NCKAP5: variants seen among roughly 807,000 people sequenced by gnomAD.
NCKAP5 encodes NCK associated protein 5.
Under a neutral mutation model 167.0 loss-of-function variants are expected in NCKAP5, and 92 were observed. The observed-to-expected ratio is 0.55, with a 90% CI of 0.47 to 0.66. The LOEUF is 0.66. Among genes scored for constraint, NCKAP5 ranks in the 30% least tolerant of loss-of-function variants. NCKAP5 has a pLI of 0.00. For missense variants in NCKAP5, 2,378 were observed against 2,315.0 expected, an observed-to-expected ratio of 1.03 and a Z score of -0.56; for synonymous variants, 891 against 877.4, an observed-to-expected ratio of 1.02 and a Z score of -0.27.
At chr2:132,890,007 C>T (rs1692563638) in intron 8 of NCKAP5, among the ~76,000 whole-genome samples, 3 of 152,152 alleles carry the variant, frequency 2.0e-5, no homozygotes, top group Admixed American at 2.0e-4. Context: ...AAAAAGGCTG[C>T]CTCCCTGTGG....
At position 133,538,810 on chromosome 2, in the gene NCKAP5, G is replaced by C. The variant is rs1235310000; in HGVS notation, c.-62+20240C>G. On this transcript the variant is annotated intron_variant, in intron 2 of 19. Coordinates refer to ENST00000409261, the MANE Select transcript of NCKAP5 (RefSeq NM_207363.3). ...GGGGTCACAGCTTACATAGGATGTT[G>C]ATCTGCATAGTAGAAGGAAAGACAG... Among the ~76,000 whole-genome samples, 3 of 151,678 alleles carry C rather than the reference G, an allele frequency of 2.0e-5. No homozygotes were observed. In the East Asian group the frequency reaches 5.9e-4, roughly 30 times the overall value.
At chr2:133,028,549 G>T (rs2078771765) in intron 6 of NCKAP5, among the ~76,000 whole-genome samples, 1 of 152,152 alleles carries the variant, frequency 6.6e-6, no homozygotes, top group Non-Finnish European at 1.5e-5. Flanking sequence ...TAACCAAGTT[G>T]GTTAGCAATG....
chr2:132,827,974 T>C (rs934940635), intron 11 of NCKAP5, among the ~76,000 whole-genome samples: 1 of 152,178 alleles, frequency 6.6e-6, no homozygotes, highest in Non-Finnish European at 1.5e-5. Context: ...ACTTTGGCTT[T>C]GAAGTCAGAT....
At chr2:133,210,457 A>G (rs988197684) in intron 5 of NCKAP5, among the ~76,000 whole-genome samples, 1 of 152,182 alleles carries the variant, frequency 6.6e-6, no homozygotes, top group Non-Finnish European at 1.5e-5. Flanking sequence ...GAATAAAAAT[A>G]TAAAAAAAAC....
At chr2:133,365,347 G>T (rs1296753808) in intron 3 of NCKAP5, among the ~76,000 whole-genome samples, 1 of 152,138 alleles carries the variant, frequency 6.6e-6, no homozygotes, top group African/African-American at 2.4e-5. Context: ...AACTTTTGGT[G>T]TATGTGTATC....
intron 3 of NCKAP5, among the ~76,000 whole-genome samples, chr2:133,397,623 C>A (rs1180403790): frequency 1.3e-5 from 2 of 152,190 alleles, no homozygotes; most frequent in African/African-American, 4.8e-5. Context: ...CAATAAAGTG[C>A]TCTGGGGCTG....
At chr2:133,587,951 C>T in the NCKAP5 span, among the ~76,000 whole-genome samples, 3 of 151,918 alleles carry the variant, frequency 2.0e-5, no homozygotes, top group African/African-American at 7.3e-5. Flanking sequence ...GATTTATGAC[C>T]CATCAGAGGT....
chr2:132,992,306 G>A (rs2077472478), intron 7 of NCKAP5, among the ~76,000 whole-genome samples: 1 of 152,168 alleles, frequency 6.6e-6, no homozygotes, highest in Non-Finnish European at 1.5e-5. Context: ...AAGCATATCT[G>A]TTTTTCTAAG....
At chr2:133,267,300 C>CCCAG (rs138296197) in intron 4 of NCKAP5, 7,497 of 152,388 alleles carry the variant, frequency 0.049, 268 homozygotes, top group South Asian at 0.098. Flanking sequence ...CGCCCCCACC[C>CCCAG]CCAGCCTCAG....
At chr2:132,920,748 T>TATATAC (rs1695307519) in intron 8 of NCKAP5, among the ~76,000 whole-genome samples, 1 of 87,660 alleles carries the variant, frequency 1.1e-5, no homozygotes, top group Non-Finnish European at 2.0e-5. Context: ...TATATGTGTA[T>TATATAC]ATATATATGT....
At chr2:133,185,646 A>T (rs1443087308) in intron 5 of NCKAP5, among the ~76,000 whole-genome samples, 1 of 152,014 alleles carries the variant, frequency 6.6e-6, no homozygotes, top group African/African-American at 2.4e-5. Flanking sequence ...TTCTTTCATC[A>T]GTGTTTTATA....
intron 4 of NCKAP5, chr2:133,268,980 A>G (rs535633426): frequency 6.6e-6 from 1 of 152,294 alleles, no homozygotes; most frequent in East Asian, 1.9e-4. Flanking sequence ...TTGTCCAGGA[A>G]GAGAAGAGTT....
rs939134129 is a variant in NCKAP5, at chr2:132,965,384, A to T, written c.430-1515T>A. ...GACTTACATTTCCAAGATAAGGAAT[A>T]TGAAGTTTGTAGATACTGTTCCTAA... On this transcript the variant is annotated intron_variant, in intron 7 of 19. Coordinates refer to ENST00000409261, the MANE Select transcript of NCKAP5 (RefSeq NM_207363.3). Among the ~76,000 whole-genome samples, 5 of 152,220 alleles carry T rather than the reference A, an allele frequency of 3.3e-5. No homozygotes were observed. In the South Asian group the frequency reaches 1.0e-3, roughly 31 times the overall value.
intron 6 of NCKAP5, among the ~76,000 whole-genome samples, chr2:133,021,047 C>A (rs1220982102): frequency 6.6e-6 from 1 of 152,178 alleles, no homozygotes; most frequent in Non-Finnish European, 1.5e-5. Flanking sequence ...ATTCAGCACA[C>A]CCCCTCAGGA....
At chr2:133,338,865 C>A (rs1218811069) in intron 3 of NCKAP5, among the ~76,000 whole-genome samples, 1 of 151,740 alleles carries the variant, frequency 6.6e-6, no homozygotes, top group Non-Finnish European at 1.5e-5. Context: ...AAAACAAAAA[C>A]AAAAATTATC....
chr2:133,140,885 C>G (rs2082970771), intron 5 of NCKAP5, among the ~76,000 whole-genome samples: 1 of 151,256 alleles, frequency 6.6e-6, no homozygotes, highest in Non-Finnish European at 1.5e-5. Context: ...ATATATTATT[C>G]CCTGTCTCTT....
At chr2:133,497,405 C>A (rs1682040992) in intron 3 of NCKAP5, among the ~76,000 whole-genome samples, 1 of 152,128 alleles carries the variant, frequency 6.6e-6, no homozygotes, top group Non-Finnish European at 1.5e-5. Context: ...TGGCTTCCTG[C>A]CTGAGAGTTC....
chr2:133,039,060 C>T (rs189607577), intron 6 of NCKAP5, among the ~76,000 whole-genome samples: 1 of 152,126 alleles, frequency 6.6e-6, no homozygotes, highest in Non-Finnish European at 1.5e-5. Context: ...CCACCAACAC[C>T]AGGGCACCAA....
intron 11 of NCKAP5, among the ~76,000 whole-genome samples, chr2:132,813,515 A>T (rs1030833674): frequency 1.3e-5 from 2 of 152,264 alleles, no homozygotes; most frequent in South Asian, 4.2e-4. Flanking sequence ...GTAGGGGGTC[A>T]GTCTAGGGCC....
Sources: gnomAD v4.1 joint callset for allele counts (sites outside exome capture counted in the v4.1 genomes callset) on GRCh38, gnomAD v4.1.1 for gene constraint, MANE v1.5 for transcripts, NCBI Gene and HGNC (gene_info 2026-07-23, HGNC 2026-07-21) for gene names.